The following DPP10 variants were observed in gnomAD, a reference collection of about 807,000 sequenced individuals.
DPP10 encodes the protein inactive dipeptidyl peptidase 10.
A neutral mutation model predicts 120.9 loss-of-function variants in DPP10; 33 were observed. That is an observed-to-expected ratio of 0.27 (90% CI 0.21 to 0.37). The LOEUF is 0.37. Ranked by LOEUF, DPP10 falls within the 10% of genes least tolerant of loss-of-function variation. The pLI is 1.00. For synonymous variants in DPP10, 337 were observed against 326.1 expected, an observed-to-expected ratio of 1.03 and a Z score of -0.36; for missense variants, 816 against 942.8, an observed-to-expected ratio of 0.87 and a Z score of 1.76.
intron 1 of DPP10, among the ~76,000 whole-genome samples, chr2:114,791,167 C>T (rs1683213795): frequency 6.6e-6 from 1 of 152,072 alleles, no homozygotes; most frequent in Admixed American, 6.5e-5. Flanking sequence ...TACATGTGAC[C>T]TACCCTTTCT....
intron 1 of DPP10, among the ~76,000 whole-genome samples, chr2:114,923,681 T>C (rs1246130376): frequency 6.7e-6 from 1 of 148,160 alleles, no homozygotes; most frequent in Non-Finnish European, 1.5e-5. Context: ...GGTTTCACTG[T>C]GGTCTCGATC....
chr2:115,767,923 A>G (rs1364040785), intron 12 of DPP10, among the ~76,000 whole-genome samples: 2 of 152,164 alleles, frequency 1.3e-5, no homozygotes, highest in African/African-American at 4.8e-5. Flanking sequence ...ATTTTGATAA[A>G]CTGATGCAGA....
intron 5 of DPP10, among the ~76,000 whole-genome samples, chr2:115,560,437 T>G (rs2080562936): frequency 1.3e-5 from 1 of 78,138 alleles, no homozygotes; most frequent in Non-Finnish European, 2.3e-5. Context: ...TATATATATA[T>G]ATATATATAC....
chr2:114,583,913 C>T (rs1690737445), intron 1 of DPP10, among the ~76,000 whole-genome samples: 1 of 152,156 alleles, frequency 6.6e-6, no homozygotes, highest in Non-Finnish European at 1.5e-5. Context: ...CATTCTCCTT[C>T]TAGGCTTTTC....
At chr2:114,479,664 A>G (rs888302340) in intron 1 of DPP10, among the ~76,000 whole-genome samples, 2 of 152,078 alleles carry the variant, frequency 1.3e-5, no homozygotes, top group Admixed American at 6.6e-5. Flanking sequence ...CTAGCCATAT[A>G]TAGAAAGCTG....
rs74347064 is a variant in DPP10 at position 114,725,527 on chromosome 2, C to T, written c.60+282689C>T. On this transcript the variant is annotated intron_variant, in intron 1 of 25. Transcript: ENST00000410059. ...TGATGCAAATTCTCTTTCAATAGCT[C>T]CACATCTTCTTTGGATGATGCTCAG... Among the ~76,000 whole-genome samples the T allele has an allele frequency of 9.6e-3, 1,465 of 152,290 alleles. 18 individuals are homozygous for T. The highest frequency in any genetic ancestry group is 0.034 in the African/African-American group (1,400 of 41,556).
At chr2:114,518,740 T>C (rs1437827553) in intron 1 of DPP10, among the ~76,000 whole-genome samples, 1 of 152,196 alleles carries the variant, frequency 6.6e-6, no homozygotes, top group Non-Finnish European at 1.5e-5. Context: ...AGGTGATTCG[T>C]GTGCACATTA....
intron 3 of DPP10, among the ~76,000 whole-genome samples, chr2:115,465,611 TCA>T (rs2074281036): frequency 6.6e-6 from 1 of 152,102 alleles, no homozygotes; most frequent in Non-Finnish European, 1.5e-5. Context: ...TCACCTGAGG[TCA>T]GGAGTTCATG....
rs187903656 is a variant in DPP10, at chr2:114,783,497, T to C, written c.60+340659T>C. Among the ~76,000 whole-genome samples the C allele has an allele frequency of 1.5e-3, 229 of 152,230 alleles. 2 individuals carry two copies. The highest frequency in any genetic ancestry group is 0.013 in the South Asian group (61 of 4,814). On this transcript the variant is annotated intron_variant, in intron 1 of 25. Coordinates refer to ENST00000410059, the MANE Select transcript of DPP10 (RefSeq NM_020868.6). The stretch of plus-strand genomic sequence containing the variant: ...AACAGTTATTAAATAACTAAACATA[T>C]AAACATAAAATATTTGCATTTTATA...
At chr2:114,982,430 C>T (rs1474217436) in intron 1 of DPP10, among the ~76,000 whole-genome samples, 3 of 151,946 alleles carry the variant, frequency 2.0e-5, no homozygotes, top group African/African-American at 7.3e-5. Context: ...TTATGACTTT[C>T]CTGTTATACT....
intron 24 of DPP10, among the ~76,000 whole-genome samples, chr2:115,840,109 T>C (rs1438862231): frequency 6.6e-6 from 1 of 151,704 alleles, no homozygotes; most frequent in Non-Finnish European, 1.5e-5. Context: ...AAATTTTTTA[T>C]AAATTTTATA....
chr2:114,530,203 T>C (rs1685845346), intron 1 of DPP10, among the ~76,000 whole-genome samples: 1 of 152,172 alleles, frequency 6.6e-6, no homozygotes, highest in Non-Finnish European at 1.5e-5. Flanking sequence ...AATTGTTTCA[T>C]TGATATAAAA....
intron 3 of DPP10, among the ~76,000 whole-genome samples, chr2:115,490,634 T>TA (rs1167084014): frequency 1.3e-5 from 2 of 152,184 alleles, no homozygotes; most frequent in African/African-American, 4.8e-5. Context: ...TAAACCTCTT[T>TA]AAAGTATTTT....
intron 1 of DPP10, among the ~76,000 whole-genome samples, chr2:115,283,444 ATTAT>A (rs2060240647): frequency 6.6e-6 from 1 of 151,974 alleles, no homozygotes. Context: ...TACTATGTTG[ATTAT>A]TTATTGTTTT....
chr2:115,202,752 A>G (rs1465128019), intron 1 of DPP10, among the ~76,000 whole-genome samples: 1 of 152,222 alleles, frequency 6.6e-6, no homozygotes, highest in Non-Finnish European at 1.5e-5. Flanking sequence ...CACTGGAAGT[A>G]TGGCTAGTGT....
chr2:114,582,403 A>G (rs1690607199), intron 1 of DPP10, among the ~76,000 whole-genome samples: 1 of 152,226 alleles, frequency 6.6e-6, no homozygotes, highest in Non-Finnish European at 1.5e-5. Flanking sequence ...TATAAATATC[A>G]GTGTGCAGGT....
intron 12 of DPP10, among the ~76,000 whole-genome samples, chr2:115,767,572 T>C (rs1680939138): frequency 6.6e-6 from 1 of 151,386 alleles, no homozygotes; most frequent in East Asian, 1.9e-4. Context: ...CATAAATATA[T>C]AGTGTGTGTG....
chr2:115,543,243 G>A (rs2079283762), intron 5 of DPP10, among the ~76,000 whole-genome samples: 2 of 151,918 alleles, frequency 1.3e-5, no homozygotes, highest in South Asian at 2.1e-4. Context: ...CCGGTCTTCC[G>A]GTCCATTTGG....
intron 5 of DPP10, among the ~76,000 whole-genome samples, chr2:115,560,296 G>A (rs1207407720): frequency 1.5e-5 from 2 of 137,520 alleles, no homozygotes; most frequent in Non-Finnish European, 3.1e-5. Context: ...GCGTGAACCC[G>A]GGAGGCAGAG....
Sources: allele counts gnomAD v4.1 joint callset (sites outside exome capture counted in the v4.1 genomes callset), GRCh38; gene constraint gnomAD v4.1.1; transcripts MANE v1.5; gene names NCBI Gene and HGNC (gene_info 2026-07-23, HGNC 2026-07-21).